PDZRN4: variants seen among roughly 807,000 people sequenced by gnomAD.
The protein encoded by PDZRN4 is PDZ domain containing ring finger 4.
Under a neutral mutation model 99.0 loss-of-function variants are expected in PDZRN4, and 70 were observed. That is an observed-to-expected ratio of 0.71 (90% confidence interval 0.58 to 0.86). The LOEUF is 0.86. Among genes scored for constraint, PDZRN4 ranks in the 40% least tolerant of loss-of-function variants. The pLI, the probability that PDZRN4 is intolerant of heterozygous loss-of-function variation, is 0.00. For missense variants in PDZRN4, 1,474 were observed against 1,331.2 expected (o/e 1.11, Z -1.67); for synonymous variants, 551 against 501.6 (o/e 1.10, Z -1.32).
intron 3 of PDZRN4, among the ~76,000 whole-genome samples, chr12:41,340,893 C>G (rs949005342): frequency 2.0e-5 from 3 of 151,736 alleles, no homozygotes; most frequent in Non-Finnish European, 4.4e-5. Flanking sequence ...TATTCCAAAA[C>G]CAGACAAGGA....
Position 41,188,693 on chromosome 12 carries a change from C to A in PDZRN4, c.238C>A (p.Gln80Lys), listed in dbSNP as rs761156887. ...LRSLIQKLRV[Q>K]CDYRARGCGH... ...CAGCCTCATCCAGAAGCTGCGAGTC[C>A]AGTGCGACTACCGCGCCCGCGGCTG... The change falls in exon 1 of 10, where the codon CAG becomes AAG. Residue 80 changes from glutamine (Q) to lysine (K), a missense_variant. Gln to Lys is a moderately conservative substitution (Grantham distance 53). Transcript: ENST00000402685. 2.0e-5 allele frequency: 31 copies of A among 1,558,070 alleles called. No homozygotes were observed. Among genetic ancestry groups the A allele is most frequent in the Non-Finnish European group, 2.6e-5 (30 of 1,161,670 alleles).
At chr12:41,256,132 G>A (rs1177922121) in intron 3 of PDZRN4, among the ~76,000 whole-genome samples, 5 of 152,024 alleles carry the variant, frequency 3.3e-5, no homozygotes, top group African/African-American at 1.2e-4. Flanking sequence ...AATGTGTAAG[G>A]ATAATTTTCA....
intron 3 of PDZRN4, among the ~76,000 whole-genome samples, chr12:41,291,045 A>G (rs1951453780): frequency 6.6e-6 from 1 of 152,142 alleles, no homozygotes; most frequent in Non-Finnish European, 1.5e-5. Flanking sequence ...AAAAAATGCT[A>G]CAATTAATCT....
At chr12:41,339,195 C>A (rs1313504477) in intron 3 of PDZRN4, among the ~76,000 whole-genome samples, 2 of 150,598 alleles carry the variant, frequency 1.3e-5, no homozygotes, top group Non-Finnish European at 3.0e-5. Context: ...TTATGGTAAC[C>A]AAAACAGCAC....
At chr12:41,420,526 C>G (rs1477067218) in intron 3 of PDZRN4, among the ~76,000 whole-genome samples, 2 of 152,100 alleles carry the variant, frequency 1.3e-5, no homozygotes, top group African/African-American at 4.8e-5. Context: ...GTAGCTCTCT[C>G]AAACATGACT....
At chr12:41,249,452 C>T (rs1466595009) in intron 3 of PDZRN4, among the ~76,000 whole-genome samples, 1 of 152,054 alleles carries the variant, frequency 6.6e-6, no homozygotes, top group Non-Finnish European at 1.5e-5. Flanking sequence ...GGATGCCAGA[C>T]AATATGGGAA....
At chr12:41,571,337 C>G (rs1208345065) in intron 9 of PDZRN4, among the ~76,000 whole-genome samples, 1 of 93,178 alleles carries the variant, frequency 1.1e-5, no homozygotes, top group East Asian at 3.8e-4. Flanking sequence ...TTACCAGAGT[C>G]TCTCTCTCTC....
In PDZRN4 at chr12:41,569,736, T is replaced by A. The variant is rs1340439799; in HGVS notation, c.1584+1837T>A. On this transcript the variant is annotated intron_variant, in intron 9 of 9. Coordinates refer to ENST00000402685, the MANE Select transcript of PDZRN4 (RefSeq NM_001164595.2). The stretch of plus-strand genomic sequence containing the variant: ...TGCACATGTCCACATATTAAATAAA[T>A]AATTAGATTGCACACTATAGCATCA... 3.9e-5 allele frequency among the ~76,000 whole-genome samples: 6 copies of A among 152,306 alleles called. No homozygotes were observed. The East Asian group carries it at 1.2e-3, about 29-fold the overall frequency.
At chr12:41,446,733 CA>C (rs1302544992) in intron 3 of PDZRN4, among the ~76,000 whole-genome samples, 1 of 151,756 alleles carries the variant, frequency 6.6e-6, no homozygotes, top group African/African-American at 2.4e-5. Flanking sequence ...GACCTTAGTA[CA>C]GTGGACATGG....
chr12:41,563,506 G>A (rs777587538), intron 7 of PDZRN4, 42 bp from the exon 8 acceptor site: 2 of 1,363,956 alleles, frequency 1.5e-6, no homozygotes, highest in South Asian at 2.3e-5. Context: ...GTGCAGCATT[G>A]TGGAAATGGA....
At chr12:41,342,206 G>T (rs1354444011) in intron 3 of PDZRN4, among the ~76,000 whole-genome samples, 1 of 151,580 alleles carries the variant, frequency 6.6e-6, no homozygotes, top group African/African-American at 2.4e-5. Context: ...ACTCAAAATG[G>T]GATTAAAGAC....
At chr12:41,463,269 T>C (rs1952889470) in intron 3 of PDZRN4, among the ~76,000 whole-genome samples, 1 of 152,178 alleles carries the variant, frequency 6.6e-6, no homozygotes, top group African/African-American at 2.4e-5. Context: ...TTCCAAGGTT[T>C]CTGCTGGAAA....
intron 3 of PDZRN4, among the ~76,000 whole-genome samples, chr12:41,345,199 GAGAATGTTCTCATT>G (rs1466050111): frequency 6.6e-6 from 1 of 152,216 alleles, no homozygotes; most frequent in Admixed American, 6.5e-5. Flanking sequence ...GGGCTGGCCA[GAGAATGTTCTCATT>G]ATGTGTGGCG....
At chr12:41,509,958 G>A (rs183725099) in intron 5 of PDZRN4, 45 bp downstream of exon 5, 272 of 884,528 alleles carry the variant, frequency 3.1e-4, no homozygotes, top group Non-Finnish European at 4.5e-4. Flanking sequence ...ATGAAGTTAC[G>A]GTTGAGGGGT....
chr12:41,506,760 A>C (rs764941896), intron 4 of PDZRN4, 48 bp downstream of exon 4: 1 of 1,553,834 alleles, frequency 6.4e-7, no homozygotes, highest in East Asian at 2.3e-5. Flanking sequence ...TCCATTTGTC[A>C]CGTAAAGCAG....
intron 3 of PDZRN4, among the ~76,000 whole-genome samples, chr12:41,391,683 T>C (rs1952212215): frequency 6.6e-6 from 1 of 152,212 alleles, no homozygotes; most frequent in Admixed American, 6.5e-5. Context: ...TGAGATGTAC[T>C]CCTCCCCCAA....
intron 3 of PDZRN4, among the ~76,000 whole-genome samples, chr12:41,331,729 A>G (rs933826920): frequency 3.0e-4 from 46 of 152,168 alleles, no homozygotes; most frequent in Admixed American, 3.3e-4. Context: ...GGGAGGCCTC[A>G]GGAAACTTAC....
intron 3 of PDZRN4, among the ~76,000 whole-genome samples, chr12:41,439,813 G>T (rs1300882316): frequency 6.6e-6 from 1 of 152,048 alleles, no homozygotes; most frequent in Non-Finnish European, 1.5e-5. Flanking sequence ...CATTTAACTG[G>T]CTTTTATTAG....
intron 3 of PDZRN4, among the ~76,000 whole-genome samples, chr12:41,382,964 G>GT (rs929075296): frequency 6.6e-6 from 1 of 152,040 alleles, no homozygotes; most frequent in Non-Finnish European, 1.5e-5. Flanking sequence ...CTTTTCATAT[G>GT]TTTTTTTCTC....
Sources: gnomAD v4.1 joint callset for allele counts (sites outside exome capture counted in the v4.1 genomes callset) on GRCh38, gnomAD v4.1.1 for gene constraint, MANE v1.5 for transcripts, NCBI Gene and HGNC (gene_info 2026-07-23, HGNC 2026-07-21) for gene names.